Variants in RXFP2 observed in about 807,000 individuals in gnomAD.
RXFP2 encodes the protein relaxin family peptide receptor 2.
A neutral mutation model predicts 88.6 loss-of-function variants in RXFP2; 68 were observed. The observed-to-expected ratio is 0.77, with a 90% confidence interval of 0.63 to 0.94. The LOEUF is 0.94. Ranked by LOEUF, RXFP2 falls within the 40% of genes least tolerant of loss-of-function variation. The pLI is 0.00. For missense variants in RXFP2, 791 were observed against 893.9 expected (o/e 0.88, Z 1.47); for synonymous variants, 329 against 306.8 (o/e 1.07, Z -0.76).
At chr13:31,743,581 C>A (rs954595259) in intron 1 of RXFP2, among the ~76,000 whole-genome samples, 46 of 152,062 alleles carry the variant, frequency 3.0e-4, no homozygotes, top group African/African-American at 1.1e-3. Context: ...TCCTCCTTTC[C>A]CATCCTCCCC....
At chr13:31,747,791 CA>C (rs1366513545) in intron 1 of RXFP2, among the ~76,000 whole-genome samples, 1 of 151,988 alleles carries the variant, frequency 6.6e-6, no homozygotes, top group Non-Finnish European at 1.5e-5. Flanking sequence ...GAGGTATGTG[CA>C]AGATGGTTTG....
At chr13:31,776,061 CTTCTTTCT>C (rs10648579) in intron 7 of RXFP2, among the ~76,000 whole-genome samples, 1 of 103,888 alleles carries the variant, frequency 9.6e-6, no homozygotes, top group African/African-American at 3.9e-5. Flanking sequence ...TTTCTTTCTT[CTTCTTTCT>C]TTCTTTCTTT....
chr13:31,802,472 C>T lies in RXFP2; in HGVS notation c.*67C>T. ...ACAGGGGACAGCTTTTGGAAGATGA[C>T]ATCTGCAATGCTTTTCATCTTTACC... On this transcript the variant is annotated 3_prime_UTR_variant, in exon 18 of 18. Coordinates refer to ENST00000298386, the MANE Select transcript of RXFP2 (RefSeq NM_130806.5). 1 of 1,505,826 alleles carries T rather than the reference C, an allele frequency of 6.6e-7. No individual in the cohort carries two copies. The highest frequency in any genetic ancestry group is 1.4e-5 in the African/African-American group (1 of 72,774). 93.3% of individuals were successfully genotyped at this position (1,505,826 alleles called of 1,614,324 possible). A position where few individuals can be genotyped will look rare whatever the true frequency, so the allele number is the denominator to read the frequency against.
intron 1 of RXFP2, among the ~76,000 whole-genome samples, chr13:31,749,984 G>A (rs372058482): frequency 6.6e-6 from 1 of 152,164 alleles, no homozygotes; most frequent in South Asian, 2.1e-4. Flanking sequence ...GGGTTTTATA[G>A]ATAACTACAC....
In RXFP2 at chr13:31,751,943, A is replaced by ATC. The variant is rs1871691112; in HGVS notation, c.95-6311_95-6310dup. On this transcript the variant is annotated intron_variant, in intron 1 of 17. Coordinates refer to ENST00000298386, the MANE Select transcript of RXFP2 (RefSeq NM_130806.5). ...GTAAGATTTTAACCTAAAAGAATGC[A>ATC]TCTCTAAAGGTGGAGTTTTGGCAGT... Among the ~76,000 whole-genome samples the ATC allele has an allele frequency of 2.6e-5, 4 of 152,328 alleles. No homozygotes were observed. In the South Asian group the frequency reaches 8.3e-4, roughly 32 times the overall value.
At chr13:31,776,220 G>T (rs1278411142) in intron 7 of RXFP2, among the ~76,000 whole-genome samples, 4 of 102,036 alleles carry the variant, frequency 3.9e-5, no homozygotes, top group Admixed American at 1.0e-4. Context: ...TTGTTTGCTT[G>T]CTTGCCTTCC....
At chr13:31,769,500 C>G (rs1872660669) in intron 5 of RXFP2, among the ~76,000 whole-genome samples, 1 of 152,186 alleles carries the variant, frequency 6.6e-6, no homozygotes, top group South Asian at 2.1e-4. Context: ...ATCTGTTCTT[C>G]ATTCTAGTCA....
At chr13:31,745,672 T>C (rs1871379572) in intron 1 of RXFP2, among the ~76,000 whole-genome samples, 1 of 152,224 alleles carries the variant, frequency 6.6e-6, no homozygotes, top group South Asian at 2.1e-4. Flanking sequence ...ATTCATGTTC[T>C]ATGGAGAGCT....
rs1350827594 is a variant in RXFP2 at position 31,761,891 on chromosome 13, C to G, written c.319+90C>G. The G allele has an allele frequency of 1.7e-5, 15 of 878,912 alleles. No homozygotes were observed. The East Asian group carries it at 3.4e-4, about 20-fold the overall frequency. 54.4% of individuals were successfully genotyped at this position (878,912 alleles called of 1,614,324 possible). A position where few individuals can be genotyped will look rare whatever the true frequency, so the allele number is the denominator to read the frequency against. On this transcript the variant is annotated intron_variant, in intron 3 of 17. Transcript: ENST00000298386. The stretch of plus-strand genomic sequence containing the variant: ...TTATATGGGTAATGTGACAAATTCC[C>G]TTCAGAATTTCCGTTTTAGTTCAAT...
intron 13 of RXFP2, 108 bp from the exon 14 acceptor site, chr13:31,789,014 C>A: frequency 1.3e-6 from 1 of 762,838 alleles, no homozygotes; most frequent in Non-Finnish European, 2.3e-6. Flanking sequence ...TTCTAATCTG[C>A]ATTGGTAACA....
At chr13:31,792,070 A>G (rs1873819847) in intron 15 of RXFP2, 35 bp downstream of exon 15, 15 of 1,465,578 alleles carry the variant, frequency 1.0e-5, no homozygotes, top group Non-Finnish European at 1.4e-5. Flanking sequence ...GATTAAGGAT[A>G]TCTTCTGTGA....
At chr13:31,778,151 G>A (rs989376343) in intron 8 of RXFP2, among the ~76,000 whole-genome samples, 3 of 152,102 alleles carry the variant, frequency 2.0e-5, no homozygotes, top group African/African-American at 4.8e-5. Context: ...ATGCCCTTAA[G>A]AAGAAACTTT....
intron 1 of RXFP2, among the ~76,000 whole-genome samples, chr13:31,752,801 T>A (rs1438492077): frequency 6.6e-6 from 1 of 152,148 alleles, no homozygotes; most frequent in South Asian, 2.1e-4. Flanking sequence ...GCTGCCCCCC[T>A]CAGAGATGCC....
chr13:31,759,526 G>C (rs1049178870), intron 2 of RXFP2, among the ~76,000 whole-genome samples: 42 of 152,142 alleles, frequency 2.8e-4, no homozygotes, highest in African/African-American at 9.9e-4. Flanking sequence ...ACTGAAACAG[G>C]ATGATGTGTT....
At chr13:31,756,684 C>A (rs985039981) in intron 1 of RXFP2, among the ~76,000 whole-genome samples, 6 of 148,408 alleles carry the variant, frequency 4.0e-5, no homozygotes, top group Admixed American at 6.8e-5. Flanking sequence ...TGCAGTGGTG[C>A]CATCTTGGCT....
chr13:31,743,201 G>A (rs1025817853), intron 1 of RXFP2, among the ~76,000 whole-genome samples: 3 of 152,124 alleles, frequency 2.0e-5, no homozygotes, highest in Non-Finnish European at 2.9e-5. Context: ...GAGGCCATAC[G>A]CAGTGGCTCA....
chr13:31,798,952 A>G (rs73163342), intron 17 of RXFP2, among the ~76,000 whole-genome samples: 11,641 of 152,154 alleles, frequency 0.077, 455 homozygotes, highest in Middle Eastern at 0.13. Flanking sequence ...TTAAACATCC[A>G]TGATGGTTTG....
intron 7 of RXFP2, among the ~76,000 whole-genome samples, chr13:31,776,061 C>CTTCTTTCTTTCTTTCTTTCTTTCT (rs10648579): frequency 2.4e-4 from 25 of 103,910 alleles, no homozygotes; most frequent in African/African-American, 9.8e-4. Context: ...TTTCTTTCTT[C>CTTCTTTCTTTCTTTCTTTCTTTCT]TTCTTTCTTT....
At position 31,783,808 on chromosome 13, in the gene RXFP2, G is replaced by GT. The variant is rs574085190; in HGVS notation, c.929+1064dup. 2.6e-3 allele frequency among the ~76,000 whole-genome samples: 200 copies of GT among 77,860 alleles called. 1 individual carries two copies. Among genetic ancestry groups the GT allele is most frequent in the African/African-American group, 8.7e-3 (180 of 20,642 alleles). The allele number at this position is 77,860 out of a possible 152,430, so 51.1% of individuals were successfully genotyped here. A position where few individuals can be genotyped will look rare whatever the true frequency, so the allele number is the denominator to read the frequency against. On this transcript the variant is annotated intron_variant, in intron 11 of 17. Transcript: ENST00000298386. ...AAACAGAGGGGTTTTTTGTTTGTTT[G>GT]TTTGTTTTGTTTTGTTTTGTTTTGA...
Sources: allele counts gnomAD v4.1 joint callset (sites outside exome capture counted in the v4.1 genomes callset), GRCh38; gene constraint gnomAD v4.1.1; transcripts MANE v1.5; gene names NCBI Gene and HGNC (gene_info 2026-07-23, HGNC 2026-07-21).